Variants in NUCB1 observed in about 807,000 individuals in gnomAD.
The protein encoded by NUCB1 is nucleobindin-1.
NUCB1 carries 47 observed loss-of-function variants against 61.2 expected under a neutral mutation model. The ratio of observed to expected loss-of-function variants is 0.77; its 90% CI spans 0.61 to 0.98. The LOEUF (loss-of-function observed/expected upper bound fraction) is 0.98. Ranked by LOEUF, NUCB1 falls within the 50% of genes least tolerant of loss-of-function variation. The pLI is 0.00. For missense variants in NUCB1, 583 were observed against 605.3 expected, an observed-to-expected ratio of 0.96 and a Z score of 0.39; for synonymous variants, 234 against 243.1, an observed-to-expected ratio of 0.96 and a Z score of 0.35.
chr19:48,921,295 C>T lies in NUCB1; in HGVS notation c.1144C>T (p.Leu382=), dbSNP rs1058487. ...TEALGRSQGR[L]EAQKRELQQA... is the part of the protein sequence containing the mutation. Reference sequence around the variant, plus strand: ...GGCTCTAGGGCGGTCCCAGGGCCGCCTGGAGGCCCAGAAGAGAGAGCTGCA... The same window carrying T: ...GGCTCTAGGGCGGTCCCAGGGCCGCTTGGAGGCCCAGAAGAGAGAGCTGCA... The change falls in exon 11 of 13, where the codon CTG becomes TTG. Residue 382 remains leucine, a synonymous_variant. Transcript: ENST00000405315. 6.3e-7 allele frequency: 1 copy of T among 1,595,670 alleles called. No individual in the cohort carries two copies. Among genetic ancestry groups the T allele is most frequent in the Admixed American group, 1.8e-5 (1 of 57,114 alleles).
chr19:48,913,601 C>A, intron 7 of NUCB1, 37 bp downstream of exon 7: 1 of 1,545,168 alleles, frequency 6.5e-7, no homozygotes, highest in Non-Finnish European at 9.0e-7. Context: ...CAGGATGAAC[C>A]CTAGATTCTG....
At position 48,909,904 on chromosome 19, in the gene NUCB1, C is replaced by G. The variant is rs181378024; in HGVS notation, c.377-1245C>G. 2.0e-5 allele frequency among the ~76,000 whole-genome samples: 3 copies of G among 152,110 alleles called. No homozygotes were observed. The East Asian group carries it at 5.8e-4, about 29-fold the overall frequency. ...GGATTAGGGCCCACAGTAATGACCTCATCTTAACCTGATTCCCTCTGTAAA... is the reference window on the plus strand; with the variant it reads ...GGATTAGGGCCCACAGTAATGACCTGATCTTAACCTGATTCCCTCTGTAAA... On this transcript the variant is annotated intron_variant, in intron 4 of 12. Transcript: ENST00000405315.
In NUCB1 at chr19:48,919,057, G is replaced by A. The variant is rs1480894684; in HGVS notation, c.844G>A (p.Glu282Lys). 6.2e-7 allele frequency: 1 copy of A among 1,614,016 alleles called. No individual in the cohort carries two copies. The change falls in exon 9 of 13, where the codon GAG becomes AAG. Residue 282 changes from glutamate to lysine, a missense_variant. Transcript: ENST00000405315. ...GGAGAAAGTGTACGACCCAAAGAAT[G>A]AGGAGGACGACATGCGGGAGATGGA... ...ELEKVYDPKN[E>K]EDDMREMEEE...
chr19:48,902,396 A>C (rs887950121), intron 2 of NUCB1, among the ~76,000 whole-genome samples: 2 of 144,148 alleles, frequency 1.4e-5, no homozygotes, highest in African/African-American at 2.6e-5. Context: ...GGCATGAGCC[A>C]CCTCATTTTT....
chr19:48,915,396 G>A (rs2037527988), intron 7 of NUCB1, among the ~76,000 whole-genome samples: 1 of 152,102 alleles, frequency 6.6e-6, no homozygotes, highest in South Asian at 2.1e-4. Context: ...TACTCAGGAG[G>A]CTGAGGTAGG....
chr19:48,901,016 C>A, intron 2 of NUCB1, 85 bp downstream of exon 2: 1 of 1,483,750 alleles, frequency 6.7e-7, no homozygotes, highest in Non-Finnish European at 9.4e-7. Context: ...AGGGCGGATG[C>A]TCCAGTGACT....
In NUCB1 at chr19:48,921,676, AATGAAAGAGAG is replaced by A. The variant is rs1334462310; in HGVS notation, c.1174-149_1174-139del. ...TTGACTATTATTAAGCCCGACTGTC[AATGAAAGAGAG>A]AAACTGAGGCCCACGGAGAAGGGGT... On this transcript the variant is annotated intron_variant, in intron 11 of 12. Coordinates refer to ENST00000405315, the MANE Select transcript of NUCB1 (RefSeq NM_006184.6). 3.9e-6 allele frequency: 3 copies of A among 763,154 alleles called. No homozygotes were observed. The East Asian group carries it at 7.3e-5, about 19-fold the overall frequency. The allele number at this position is 763,154 out of a possible 1,614,324, so 47.3% of individuals were successfully genotyped here.
Position 48,915,560 on chromosome 19 carries a change from A to G in NUCB1, c.757+1996A>G, listed in dbSNP as rs2037530098. On this transcript the variant is annotated intron_variant, in intron 7 of 12. Coordinates refer to ENST00000405315, the MANE Select transcript of NUCB1 (RefSeq NM_006184.6). ...AAGATTCTGTAATGGGGTCTCAGGT[A>G]GTGACGTGTACTACCTCGCAGCCTT... 2.0e-5 allele frequency among the ~76,000 whole-genome samples: 3 copies of G among 152,214 alleles called. No individual in the cohort carries two copies. The South Asian group carries it at 6.2e-4, about 32-fold the overall frequency.
In NUCB1 at chr19:48,913,548, C is replaced by T. The variant is rs201936191; in HGVS notation, c.741C>T (p.Thr247=). The T allele has an allele frequency of 6.8e-5, 110 of 1,613,758 alleles. No homozygotes were observed. In the East Asian group the frequency reaches 9.4e-4, roughly 14 times the overall value. The change falls in exon 7 of 13, where the codon ACC becomes ACT. Residue 247 remains threonine, a synonymous_variant. Coordinates refer to ENST00000405315, the MANE Select transcript of NUCB1 (RefSeq NM_006184.6). ...ACCCCAACAGGTTTAACCCCAAGAC[C>T]TTCTTCATACTGCATGGTAAGGTGG... ...GLDPNRFNPK[T]FFILHDINSD...
At position 48,919,272 on chromosome 19, in the gene NUCB1, G is replaced by A. The variant is rs1391084512; in HGVS notation, c.988G>A (p.Gly330Arg). 8.1e-6 allele frequency: 13 copies of A among 1,613,100 alleles called. No individual in the cohort carries two copies. The highest frequency in any genetic ancestry group is 5.0e-5 in the Admixed American group (3 of 59,936). ...TCAGAGGAAGGAGTTTGGGGACACC[G>A]GGGAGGGCTGGGAGGTGAGAACATG... is the stretch of plus-strand genomic sequence containing the variant. The part of the protein sequence containing the change: ...STQRKEFGDT[G>R]EGWETVEMHP... The change falls in exon 10 of 13, where the codon GGG becomes AGG. Residue 330 changes from glycine to arginine, a missense_variant. Coordinates refer to ENST00000405315, the MANE Select transcript of NUCB1 (RefSeq NM_006184.6).
rs560007934 is a variant in NUCB1 at position 48,906,001 on chromosome 19, ATGTGCTGAAATGTGC to A, written c.376+117_376+131del. On this transcript the variant is annotated intron_variant, in intron 4 of 12. Transcript: ENST00000405315. ...GTGAGGCCTCCCTCCCCGCTGCGAA[ATGTGCTGAAATGTGC>A]GTGGGAGATTGCCCCAGTGTTCCTC... 4.3e-3 allele frequency: 4,107 copies of A among 961,632 alleles called. 17 individuals carry two copies. Among genetic ancestry groups the A allele is most frequent in the Middle Eastern group, 7.4e-3 (23 of 3,094 alleles). The allele number at this position is 961,632 out of a possible 1,614,324, so 59.6% of individuals were successfully genotyped here. A position where few individuals can be genotyped will look rare whatever the true frequency, so the allele number is the denominator to read the frequency against.
chr19:48,914,053 CT>C (rs1295404432), intron 7 of NUCB1, among the ~76,000 whole-genome samples: 1 of 151,372 alleles, frequency 6.6e-6, no homozygotes, highest in Admixed American at 6.6e-5. Flanking sequence ...CTGCAACCCC[CT>C]GCCCTCCGCC....
At chr19:48,922,183 G>A (rs1459281528) in intron 12 of NUCB1, 135 bp from the exon 13 acceptor site, 2 of 736,212 alleles carry the variant, frequency 2.7e-6, no homozygotes, top group Non-Finnish European at 4.5e-6. Flanking sequence ...GCTGGGGGCT[G>A]GACCCCTGGG....
chr19:48,903,509 GA>G (rs2037375769), intron 2 of NUCB1, among the ~76,000 whole-genome samples: 1 of 125,572 alleles, frequency 8.0e-6, no homozygotes, highest in Non-Finnish European at 1.7e-5. Flanking sequence ...TGGGTGGGTG[GA>G]TGAGTGGATG....
chr19:48,905,635 G>T, intron 3 of NUCB1, 118 bp from the exon 4 acceptor site: 1 of 1,220,348 alleles, frequency 8.2e-7, no homozygotes. Context: ...TGAGGAGCTG[G>T]GGGACTATAA....
intron 4 of NUCB1, among the ~76,000 whole-genome samples, chr19:48,910,663 A>C: frequency 6.7e-6 from 1 of 150,040 alleles, no homozygotes; most frequent in Non-Finnish European, 1.5e-5. Flanking sequence ...GCAGAGTGAA[A>C]CCCTGTCTCA....
intron 10 of NUCB1, among the ~76,000 whole-genome samples, chr19:48,919,885 C>T (rs957513783): frequency 1.3e-5 from 2 of 151,406 alleles, no homozygotes; most frequent in Non-Finnish European, 2.9e-5. Context: ...CCTCCCATCT[C>T]AGCCTCATGA....
rs758491766 is a variant in NUCB1 at position 48,919,044 on chromosome 19, C to G, written c.831C>G (p.Tyr277Ter). Residue 277 changes from tyrosine (Y) to a stop codon, truncating the protein, a stop_gained, in exon 9 of 13, where the codon TAC becomes TAG. Transcript: ENST00000405315. LOFTEE classifies it high-confidence loss of function. ...TGCTCCTGCAGCTGGAGAAAGTGTA[C>G]GACCCAAAGAATGAGGAGGACGACA... ...ALFTKELEKV[Y>*]DPKNEEDDMR... The G allele has an allele frequency of 6.2e-7, 1 of 1,613,822 alleles. No homozygotes were observed. The highest frequency in any genetic ancestry group is 1.1e-5 in the South Asian group (1 of 91,064).
At chr19:48,912,957 A>G in intron 5 of NUCB1, 54 bp from the exon 6 acceptor site, 1 of 1,432,170 alleles carries the variant, frequency 7.0e-7, no homozygotes. Context: ...TACAGGCTGG[A>G]ATTGGGGGCT....
Sources: allele counts gnomAD v4.1 joint callset (sites outside exome capture counted in the v4.1 genomes callset), GRCh38; gene constraint gnomAD v4.1.1; transcripts MANE v1.5; gene names NCBI Gene and HGNC (gene_info 2026-07-23, HGNC 2026-07-21).